SLC23A2: variants seen among roughly 807,000 people sequenced by gnomAD.
SLC23A2 encodes Na(+)/L-ascorbic acid transporter 2.
SLC23A2 carries 36 observed loss-of-function variants against 73.3 expected under a neutral mutation model. The ratio of observed to expected loss-of-function variants is 0.49; its 90% CI spans 0.38 to 0.65. SLC23A2 has a LOEUF of 0.65. Ranked by LOEUF, SLC23A2 falls within the 30% of genes least tolerant of loss-of-function variation. The pLI, the probability that SLC23A2 is intolerant of heterozygous loss-of-function variation, is 0.00. For missense variants in SLC23A2, 507 were observed against 841.6 expected (o/e 0.60, Z 4.92); for synonymous variants, 343 against 327.3 (o/e 1.05, Z -0.52).
At position 4,872,589 on chromosome 20, in the gene SLC23A2, C is replaced by T. The variant is rs1401826189; in HGVS notation, c.1102+1347G>A. Among the ~76,000 whole-genome samples, 2 of 152,132 alleles carry T rather than the reference C, an allele frequency of 1.3e-5. No homozygotes were observed. Among genetic ancestry groups the T allele is most frequent in the Non-Finnish European group, 2.9e-5 (2 of 68,004 alleles). Reference sequence around the variant, plus strand: ...TGTGGGGGCTTCTACCTACCTGCCACCCCCGCCTCGCCCTCACCCTGACTG... The same window carrying T: ...TGTGGGGGCTTCTACCTACCTGCCATCCCCGCCTCGCCCTCACCCTGACTG... On this transcript the variant is annotated intron_variant, in intron 11 of 16. Coordinates refer to ENST00000338244, the MANE Select transcript of SLC23A2 (RefSeq NM_005116.6). The surrounding 1 kb of genome is among the most constrained non-coding windows in gnomAD (Gnocchi z 4.4).
intron 6 of SLC23A2, among the ~76,000 whole-genome samples, chr20:4,887,908 C>A (rs1750055670): frequency 6.6e-6 from 1 of 152,172 alleles, no homozygotes; most frequent in South Asian, 2.1e-4. Context: ...ACGAGAGCTT[C>A]CCTAGATCAC....
At chr20:4,938,665 G>T (rs1203861433) in intron 2 of SLC23A2, among the ~76,000 whole-genome samples, 1 of 152,210 alleles carries the variant, frequency 6.6e-6, no homozygotes, top group Non-Finnish European at 1.5e-5. Context: ...TGTCCAAATG[G>T]TAAGTAGCAT....
At position 4,978,225 on chromosome 20, in the gene SLC23A2, C is replaced by T. The variant is rs185187328; in HGVS notation, c.-281-7306G>A. 8.1e-4 allele frequency among the ~76,000 whole-genome samples: 123 copies of T among 152,272 alleles called. 1 individual carries two copies. The highest frequency in any genetic ancestry group is 2.6e-3 in the African/African-American group (110 of 41,552). On this transcript the variant is annotated intron_variant, in intron 1 of 16. Transcript: ENST00000338244. Reference sequence around the variant, plus strand: ...AAAAAAACACTCCCATGGCAACTATCGGTGCTAATAAGTCAAGCTCAGTTA... The same window carrying T: ...AAAAAAACACTCCCATGGCAACTATTGGTGCTAATAAGTCAAGCTCAGTTA...
intron 2 of SLC23A2, among the ~76,000 whole-genome samples, chr20:4,951,763 T>G (rs768710509): frequency 6.6e-6 from 1 of 152,178 alleles, no homozygotes; most frequent in African/African-American, 2.4e-5. Context: ...TATTTTAAGA[T>G]GATGACTATC....
intron 15 of SLC23A2, among the ~76,000 whole-genome samples, chr20:4,861,362 T>G (rs1418150226): frequency 2.0e-5 from 3 of 152,202 alleles, no homozygotes; most frequent in African/African-American, 2.4e-5. Context: ...TTTTGTTATG[T>G]GAATTTCACC....
At position 4,899,881 on chromosome 20, in the gene SLC23A2, T is replaced by A. The variant is rs187228202; in HGVS notation, c.325-169A>T. ...TTTCCTTCTTTTTCAGTATTTCTCC[T>A]TTGTTGTTAAGACAGTTTCACTCCC... On this transcript the variant is annotated intron_variant, in intron 5 of 16. Coordinates refer to ENST00000338244, the MANE Select transcript of SLC23A2 (RefSeq NM_005116.6). The surrounding 1 kb of genome is among the most constrained non-coding windows in gnomAD (Gnocchi z 4.9). 4.6e-5 allele frequency among the ~76,000 whole-genome samples: 7 copies of A among 152,340 alleles called. No homozygotes were observed. Among genetic ancestry groups the A allele is most frequent in the Non-Finnish European group, 1.0e-4 (7 of 68,026 alleles).
chr20:4,996,782 C>T (rs1389475792), intron 1 of SLC23A2, among the ~76,000 whole-genome samples: 1 of 151,290 alleles, frequency 6.6e-6, no homozygotes, highest in Non-Finnish European at 1.5e-5. Flanking sequence ...ATGGAATTTC[C>T]ATAGAGGGCC....
At chr20:4,907,024 G>A (rs1715385) in intron 4 of SLC23A2, among the ~76,000 whole-genome samples, 76,898 of 151,930 alleles carry the variant, frequency 0.51, 19,641 homozygotes, top group East Asian at 0.53. Flanking sequence ...TCTTAACTCC[G>A]CAAACTGGTC....
chr20:5,001,221 C>T (rs1331312477), intron 1 of SLC23A2, among the ~76,000 whole-genome samples, 185 bp downstream of exon 1: 1 of 144,270 alleles, frequency 6.9e-6, no homozygotes, highest in African/African-American at 2.5e-5. Flanking sequence ...CCAGGGTGGC[C>T]GGCGGGCGCG....
Position 4,857,855 on chromosome 20 carries a change from C to T in SLC23A2, c.1721-651G>A, listed in dbSNP as rs1929791460. On this transcript the variant is annotated intron_variant, in intron 16 of 16. Coordinates refer to ENST00000338244, the MANE Select transcript of SLC23A2 (RefSeq NM_005116.6). This position sits in a 1 kb window ranked among gnomAD's most constrained non-coding sequence, Gnocchi z 4.0. The stretch of plus-strand genomic sequence containing the variant: ...CTGAGACAGGAGAATTGCTTGAACC[C>T]GAGAGGCAGAGACTGCAGTGAGCTG... Among the ~76,000 whole-genome samples the T allele has an allele frequency of 6.6e-6, 1 of 152,078 alleles. No homozygotes were observed. The highest frequency in any genetic ancestry group is 2.1e-4 in the South Asian group (1 of 4,820).
Position 4,932,440 on chromosome 20 carries a change from G to A in SLC23A2, c.108+15C>T. 1 of 1,338,436 alleles carries A rather than the reference G, an allele frequency of 7.5e-7. No homozygotes were observed. Among genetic ancestry groups the A allele is most frequent in the East Asian group, 2.3e-5 (1 of 43,656 alleles). 82.9% of individuals were successfully genotyped at this position (1,338,436 alleles called of 1,614,324 possible). A position where few individuals can be genotyped will look rare whatever the true frequency, so the allele number is the denominator to read the frequency against. On this transcript the variant is annotated intron_variant, in intron 3 of 16. Transcript: ENST00000338244. Reference sequence around the variant, plus strand: ...TTCAAGAGATTTAAGAAAGGAAGATGGGGAATATGATTACCGGAAGAGTGA... The same window carrying A: ...TTCAAGAGATTTAAGAAAGGAAGATAGGGAATATGATTACCGGAAGAGTGA...
At chr20:4,907,044 G>T (rs1931982503) in intron 4 of SLC23A2, among the ~76,000 whole-genome samples, 1 of 152,202 alleles carries the variant, frequency 6.6e-6, no homozygotes, top group South Asian at 2.1e-4. Flanking sequence ...CAGACAGTGT[G>T]TTAACTACTG....
At chr20:4,873,156 A>G (rs1930513363) in intron 11 of SLC23A2, among the ~76,000 whole-genome samples, 1 of 152,190 alleles carries the variant, frequency 6.6e-6, no homozygotes, top group African/African-American at 2.4e-5. Flanking sequence ...CTTTAACCCA[A>G]CCTTAAAATT....
At chr20:4,916,350 A>C (rs1568623045) in intron 3 of SLC23A2, among the ~76,000 whole-genome samples, 1 of 152,008 alleles carries the variant, frequency 6.6e-6, no homozygotes, top group Non-Finnish European at 1.5e-5. Flanking sequence ...TGAAAGTCTG[A>C]CTCTAGCCAA....
At chr20:4,949,766 C>A (rs189094491) in intron 2 of SLC23A2, among the ~76,000 whole-genome samples, 1 of 152,162 alleles carries the variant, frequency 6.6e-6, no homozygotes, top group African/African-American at 2.4e-5. Context: ...CCCAAATGCA[C>A]ACAGACACAA....
chr20:4,950,186 A>G (rs1261636708), intron 2 of SLC23A2, among the ~76,000 whole-genome samples: 1 of 152,176 alleles, frequency 6.6e-6, no homozygotes, highest in Non-Finnish European at 1.5e-5. Context: ...AGCTGCTGAG[A>G]ATACGTCTCA....
At chr20:5,000,196 G>T (rs1340134042) in intron 1 of SLC23A2, among the ~76,000 whole-genome samples, 3 of 152,066 alleles carry the variant, frequency 2.0e-5, no homozygotes, top group African/African-American at 7.2e-5. Context: ...ATCTCACCAG[G>T]TTCAAACACC....
At chr20:4,878,228 C>T (rs1930734521) in intron 9 of SLC23A2, among the ~76,000 whole-genome samples, 1 of 151,378 alleles carries the variant, frequency 6.6e-6, no homozygotes, top group East Asian at 1.9e-4. Flanking sequence ...ATTCTGTCGC[C>T]CAGACTGGAG....
At chr20:4,860,450 G>A (rs1489454254) in intron 15 of SLC23A2, among the ~76,000 whole-genome samples, 1 of 152,178 alleles carries the variant, frequency 6.6e-6, no homozygotes, top group Non-Finnish European at 1.5e-5. Context: ...TCCAAGTGGT[G>A]TGAAGTGCTC....
Sources: gnomAD v4.1 joint callset for allele counts (sites outside exome capture counted in the v4.1 genomes callset) on GRCh38, gnomAD v4.1.1 for gene constraint, Gnocchi (gnomAD v3.1) non-coding constraint, MANE v1.5 for transcripts, NCBI Gene and HGNC (gene_info 2026-07-23, HGNC 2026-07-21) for gene names.